Variants in HOXC5 observed in about 807,000 individuals in gnomAD.
The protein encoded by HOXC5 is homeobox protein Hox-C5.
In HOXC5, 19 loss-of-function variants were observed where a neutral mutation model predicts 20.1. The ratio of observed to expected loss-of-function variants is 0.94; its 90% CI spans 0.66 to 1.38. HOXC5 has a LOEUF of 1.38. Among genes scored for constraint, HOXC5 ranks in the 40% most tolerant of loss-of-function variants. The pLI is 0.00. For missense variants in HOXC5, 330 were observed against 300.1 expected, an observed-to-expected ratio of 1.10 and a Z score of -0.74; for synonymous variants, 124 against 117.0, an observed-to-expected ratio of 1.06 and a Z score of -0.39.
the HOXC5 span, chr12:54,020,342 C>T: frequency 1.3e-5 from 2 of 152,222 alleles, no homozygotes; most frequent in African/African-American, 4.8e-5. Context: ...GCTTGCCTGC[C>T]CCCCTTATAA....
chr12:54,029,044 T>A, upstream of HOXC5: 1 of 928,088 alleles, frequency 1.1e-6, no homozygotes, highest in Non-Finnish European at 1.6e-6. Context: ...GCTCGTCTCC[T>A]CACCGAGACA....
chr12:54,026,127 G>T, the HOXC5 span, among the ~76,000 whole-genome samples: 2 of 152,114 alleles, frequency 1.3e-5, no homozygotes, highest in South Asian at 2.1e-4. Flanking sequence ...AAATTGGAGG[G>T]GGGGACAGAG....
At chr12:54,026,966 G>GC in the HOXC5 span, among the ~76,000 whole-genome samples, 3 of 61,238 alleles carry the variant, frequency 4.9e-5, no homozygotes, top group Admixed American at 1.5e-4. Flanking sequence ...AAAAATGGTG[G>GC]GGGGGGGGGG....
intron 1 of HOXC5, 80 bp downstream of exon 1, chr12:54,033,656 C>A: frequency 8.2e-7 from 1 of 1,225,472 alleles, no homozygotes; most frequent in Non-Finnish European, 1.1e-6. Context: ...AGAAAAAAAA[C>A]CTGCGGCCAT....
upstream of HOXC5, chr12:54,029,624 C>T (rs888090983): frequency 1.9e-6 from 3 of 1,600,982 alleles, no homozygotes; most frequent in Middle Eastern, 3.3e-4. Flanking sequence ...TTGCTGATTG[C>T]TTTTAGTGTG....
chr12:54,026,939 C>A, the HOXC5 span, among the ~76,000 whole-genome samples: 20 of 141,780 alleles, frequency 1.4e-4, 1 homozygote, highest in African/African-American at 1.6e-4. Flanking sequence ...CCAGCTTTCC[C>A]CCCCCCCAAC....
At chr12:54,026,035 C>A in the HOXC5 span, among the ~76,000 whole-genome samples, 1 of 152,074 alleles carries the variant, frequency 6.6e-6, no homozygotes, top group Non-Finnish European at 1.5e-5. Context: ...TTCCATCATT[C>A]AATTTGTTGT....
At position 54,034,225 on chromosome 12, in the gene HOXC5, A is replaced by G. The variant is rs187084530; in HGVS notation, c.455-53A>G. On this transcript the variant is annotated intron_variant, in intron 1 of 1. Coordinates refer to ENST00000312492, the MANE Select transcript of HOXC5 (RefSeq NM_018953.4). ...GCCTGGGCTGGGGTGGGGACGGGGG[A>G]ACGCTGCAAGCTATTCACCCCTTCC... 1,207 of 1,508,394 alleles carry G rather than the reference A, an allele frequency of 8.0e-4. 11 individuals are homozygous for G. In the African/African-American group the frequency reaches 0.013, roughly 16 times the overall value. 93.4% of individuals were successfully genotyped at this position (1,508,394 alleles called of 1,614,324 possible).
At chr12:54,033,962 G>A (rs1395540215) in intron 1 of HOXC5, 13 of 529,128 alleles carry the variant, frequency 2.5e-5, no homozygotes, top group Non-Finnish European at 4.4e-5. Context: ...CGGGAGGGGC[G>A]GGAGGGGGGT....
In HOXC5 at chr12:54,033,150, T is replaced by C. The variant is rs746692454; in HGVS notation, c.28T>C (p.Tyr10His). The C allele has an allele frequency of 4.3e-6, 7 of 1,613,298 alleles. No individual in the cohort carries two copies. The East Asian group carries it at 8.9e-5, about 21-fold the overall frequency. Residue 10 changes from tyrosine to histidine, a missense_variant, in exon 1 of 2, where the codon TAT becomes CAT. Physicochemically the swap from Tyr to His is moderately conservative, Grantham distance 83. Transcript: ENST00000312492. ...GAGCTCCTACGTAGCCAATTCATTC[T>C]ATAAGCAGAGCCCCAATATCCCTGC... is the stretch of plus-strand genomic sequence containing the variant. MSSYVANSF[Y>H]KQSPNIPAYN...
chr12:54,028,652 T>C (rs1940840197), upstream of HOXC5: 1 of 1,614,108 alleles, frequency 6.2e-7, no homozygotes, highest in Non-Finnish European at 8.5e-7. Flanking sequence ...GGAGCGGCCG[T>C]TGCCCAGAAC....
chr12:54,033,647 GA>G (rs1203866009), intron 1 of HOXC5, 71 bp downstream of exon 1: 23 of 1,302,356 alleles, frequency 1.8e-5, no homozygotes, highest in Non-Finnish European at 2.2e-5. Context: ...GGCAAATAAA[GA>G]AAAAAAACCT....
the HOXC5 span, among the ~76,000 whole-genome samples, chr12:54,024,875 A>G: frequency 1.7e-4 from 26 of 152,262 alleles, no homozygotes; most frequent in African/African-American, 5.1e-4. Context: ...TCCTATAATT[A>G]GCGCTATCAA....
chr12:54,025,949 C>A, the HOXC5 span, among the ~76,000 whole-genome samples: 4 of 152,090 alleles, frequency 2.6e-5, no homozygotes, highest in African/African-American at 9.7e-5. Context: ...CTCCCCCACC[C>A]AGACATAAAA....
At chr12:54,028,851 G>C, upstream of HOXC5, 1 of 1,614,112 alleles carries the variant, frequency 6.2e-7, no homozygotes, top group Non-Finnish European at 8.5e-7. Flanking sequence ...AGCAGGGCAG[G>C]ACTGCGCCCC....
upstream of HOXC5, chr12:54,029,550 T>G: frequency 3.3e-4 from 398 of 1,197,696 alleles, no homozygotes; most frequent in Non-Finnish European, 4.4e-4. Context: ...AAGGAGGCTG[T>G]GAGCTGCTGG....
upstream of HOXC5, chr12:54,029,552 A>AGCTGCT: frequency 8.1e-7 from 1 of 1,227,782 alleles, no homozygotes; most frequent in Non-Finnish European, 1.2e-6. Context: ...GGAGGCTGTG[A>AGCTGCT]GCTGCTGGCC....
intron 1 of HOXC5, chr12:54,033,835 A>C: frequency 3.8e-6 from 2 of 525,488 alleles, no homozygotes; most frequent in East Asian, 3.7e-5. Context: ...AAATAGAGGG[A>C]TCTGAAGGGT....
chr12:54,034,058 G>A (rs566695640), intron 1 of HOXC5: 2 of 705,968 alleles, frequency 2.8e-6, no homozygotes, highest in Admixed American at 2.0e-5. Context: ...CAGCCCCTCC[G>A]GCTGCAGAGT....
Sources: gnomAD v4.1 joint callset for allele counts (sites outside exome capture counted in the v4.1 genomes callset) on GRCh38, gnomAD v4.1.1 for gene constraint, MANE v1.5 for transcripts, NCBI Gene and HGNC (gene_info 2026-07-23, HGNC 2026-07-21) for gene names.